Variants in SPAG17 observed in about 807,000 individuals in gnomAD.
SPAG17 encodes sperm-associated antigen 17.
Under a neutral mutation model 273.6 loss-of-function variants are expected in SPAG17, and 169 were observed. The observed-to-expected ratio is 0.62, with a 90% CI of 0.55 to 0.70. The LOEUF (loss-of-function observed/expected upper bound fraction) is 0.70. SPAG17 is among the 30% of genes least tolerant of loss of function. The pLI is 0.00. For missense variants in SPAG17, 2,557 were observed against 2,627.8 expected (o/e 0.97, Z 0.59); for synonymous variants, 825 against 873.2 (o/e 0.94, Z 0.97).
chr1:118,056,000 G>T, intron 18 of SPAG17, 86 bp from the exon 19 acceptor site: 1 of 1,117,490 alleles, frequency 8.9e-7, no homozygotes, highest in Non-Finnish European at 1.3e-6. Context: ...TAAACTTTTT[G>T]CTCATGTCAA....
At chr1:118,178,058 C>A (rs1264946903) in intron 1 of SPAG17, among the ~76,000 whole-genome samples, 1 of 152,200 alleles carries the variant, frequency 6.6e-6, no homozygotes, top group East Asian at 1.9e-4. Context: ...TACTTCCAAA[C>A]CTACTCTGTG....
intron 4 of SPAG17, among the ~76,000 whole-genome samples, chr1:118,105,126 G>C (rs190575328): frequency 1.3e-5 from 2 of 152,280 alleles, no homozygotes; most frequent in East Asian, 3.9e-4. Flanking sequence ...GGAAGAGGCT[G>C]GGTGCCAGAA....
intron 1 of SPAG17, among the ~76,000 whole-genome samples, chr1:118,182,842 C>T (rs1661010542): frequency 6.6e-6 from 1 of 152,208 alleles, no homozygotes; most frequent in Admixed American, 6.5e-5. Flanking sequence ...AGCCCATATT[C>T]ATCTTCCTAA....
chr1:118,060,530 C>T (rs1652175220), intron 18 of SPAG17, among the ~76,000 whole-genome samples: 1 of 152,106 alleles, frequency 6.6e-6, no homozygotes, highest in Non-Finnish European at 1.5e-5. Flanking sequence ...TGTCTTTTAA[C>T]TTTTATGCTA....
chr1:117,960,481 A>T (rs562506028), intron 48 of SPAG17: 2 of 152,320 alleles, frequency 1.3e-5, no homozygotes, highest in Admixed American at 1.3e-4. Context: ...TTGGCAGGCA[A>T]CCACAGCCGC....
chr1:118,108,438 G>T (rs986332524), intron 4 of SPAG17, among the ~76,000 whole-genome samples: 2 of 152,060 alleles, frequency 1.3e-5, no homozygotes, highest in Non-Finnish European at 2.9e-5. Flanking sequence ...CAGATCAGGC[G>T]CATTCAGCAA....
intron 30 of SPAG17, among the ~76,000 whole-genome samples, chr1:118,008,752 T>G (rs569807562): frequency 1.4e-3 from 213 of 152,314 alleles, no homozygotes; most frequent in Non-Finnish European, 2.5e-3. Flanking sequence ...TACACCTGCT[T>G]TTTTCATTTA....
At chr1:118,049,628 C>T (rs1300188644) in intron 20 of SPAG17, among the ~76,000 whole-genome samples, 1 of 152,054 alleles carries the variant, frequency 6.6e-6, no homozygotes, top group African/African-American at 2.4e-5. Context: ...CAATACAATC[C>T]CTATCAAAAT....
chr1:118,049,508 G>T (rs546929250), intron 20 of SPAG17, among the ~76,000 whole-genome samples: 1 of 152,020 alleles, frequency 6.6e-6, no homozygotes, highest in Non-Finnish European at 1.5e-5. Flanking sequence ...AAAAACATAC[G>T]ACAAACTCAA....
At chr1:117,983,355 TCA>T (rs1479906553) in intron 42 of SPAG17, among the ~76,000 whole-genome samples, 8 of 152,146 alleles carry the variant, frequency 5.3e-5, no homozygotes, top group Non-Finnish European at 1.0e-4. Context: ...CCAAACCATA[TCA>T]AGGATCTATG....
In SPAG17 at chr1:118,055,925, C is replaced by A. The variant is rs981102740; in HGVS notation, c.2541-11G>T. ...AGTTCCAAATAATTCCTAAACAAAC[C>A]AATAGCAGACGTCAATTGAGTTACT... On this transcript the variant is annotated splice_polypyrimidine_tract_variant and intron_variant, in intron 18 of 48. Transcript: ENST00000336338. 16 of 1,592,012 alleles carry A rather than the reference C, an allele frequency of 1.0e-5. No homozygotes were observed. Among genetic ancestry groups the A allele is most frequent in the Middle Eastern group, 3.6e-4 (2 of 5,554 alleles).
chr1:118,012,478 AT>A, intron 29 of SPAG17, 106 bp from the exon 30 acceptor site: 2 of 1,294,618 alleles, frequency 1.5e-6, no homozygotes, highest in Middle Eastern at 1.9e-4. Context: ...AGTCCTAGTT[AT>A]TTATTTATAG....
chr1:117,968,238 A>T (rs1654120931), intron 46 of SPAG17, among the ~76,000 whole-genome samples: 1 of 152,186 alleles, frequency 6.6e-6, no homozygotes, highest in South Asian at 2.1e-4. Context: ...TCAAAAACTT[A>T]AAAAAATAAA....
intron 40 of SPAG17, among the ~76,000 whole-genome samples, chr1:117,986,249 C>T (rs10923454): frequency 0.067 from 10,273 of 152,218 alleles, 552 homozygotes; most frequent in East Asian, 0.31. Flanking sequence ...CATCGATCTA[C>T]GGCAGTCTGG....
intron 4 of SPAG17, among the ~76,000 whole-genome samples, chr1:118,103,112 A>C (rs1656175643): frequency 6.6e-6 from 1 of 152,180 alleles, no homozygotes; most frequent in South Asian, 2.1e-4. Flanking sequence ...AACTGGCTAG[A>C]GCATATGTAA....
At chr1:118,118,549 G>A (rs547025860) in intron 3 of SPAG17, among the ~76,000 whole-genome samples, 16 of 152,276 alleles carry the variant, frequency 1.1e-4, no homozygotes, top group Non-Finnish European at 1.9e-4. Context: ...AAAAAAGCAC[G>A]AGTCTTAACG....
intron 43 of SPAG17, among the ~76,000 whole-genome samples, chr1:117,980,716 T>C (rs1314677486): frequency 6.6e-6 from 1 of 152,224 alleles, no homozygotes; most frequent in East Asian, 1.9e-4. Context: ...ATCAACTATA[T>C]TTAGTTGAAT....
intron 13 of SPAG17, among the ~76,000 whole-genome samples, chr1:118,082,169 T>TATAATTGTG (rs1240643719): frequency 6.6e-6 from 1 of 152,216 alleles, no homozygotes; most frequent in Non-Finnish European, 1.5e-5. Flanking sequence ...CAGCAGGCTT[T>TATAATTGTG]ATAATTGTGT....
In SPAG17 at chr1:118,054,017, T is replaced by TA; in HGVS notation, c.2798dup (p.Leu933PhefsTer32). The TA allele has an allele frequency of 6.2e-7, 1 of 1,608,110 alleles. No homozygotes were observed. Among genetic ancestry groups the TA allele is most frequent in the Non-Finnish European group, 8.5e-7 (1 of 1,176,688 alleles). ...GCTGGATTACCTTGAGAGAGCCTTC[T>TA]AAAATGAAAGGAATCTTTTCCTTCT... On this transcript the variant is annotated frameshift_variant, in exon 20 of 49. Transcript: ENST00000336338. LOFTEE classifies it high-confidence loss of function.
Sources: allele counts gnomAD v4.1 joint callset (sites outside exome capture counted in the v4.1 genomes callset), GRCh38; gene constraint gnomAD v4.1.1; transcripts MANE v1.5; gene names NCBI Gene and HGNC (gene_info 2026-07-23, HGNC 2026-07-21).